PKD1L1: variants seen among roughly 807,000 people sequenced by gnomAD.
PKD1L1 encodes polycystin-1-like protein 1.
PKD1L1 carries 236 observed loss-of-function variants against 323.4 expected under a neutral mutation model. The ratio of observed to expected loss-of-function variants is 0.73; its 90% CI spans 0.66 to 0.81. The LOEUF (loss-of-function observed/expected upper bound fraction) is 0.81. Ranked by LOEUF, PKD1L1 falls within the 40% of genes least tolerant of loss-of-function variation. The probability of loss-of-function intolerance (pLI) is 0.00; values close to 1 mark genes in which losing one functional copy is unlikely to be tolerated. For synonymous variants in PKD1L1, 1,344 were observed against 1,335.0 expected (o/e 1.01, Z -0.15); for missense variants, 3,320 against 3,508.0 (o/e 0.95, Z 1.35).
chr7:47,954,059 A>C, the PKD1L1 span, among the ~76,000 whole-genome samples: 1 of 152,166 alleles, frequency 6.6e-6, no homozygotes, highest in Non-Finnish European at 1.5e-5. Context: ...GCCTCCTTTA[A>C]ATTTTTAAAT....
chr7:47,956,333 A>G, the PKD1L1 span, among the ~76,000 whole-genome samples: 2 of 152,200 alleles, frequency 1.3e-5, no homozygotes, highest in Non-Finnish European at 2.9e-5. Flanking sequence ...ACAGGGGCAC[A>G]CTATGGTCCT....
chr7:47,948,914 A>G (rs185968772), upstream of PKD1L1, among the ~76,000 whole-genome samples: 492 of 152,024 alleles, frequency 3.2e-3, 2 homozygotes, highest in African/African-American at 0.011. Context: ...ACGAGATTGC[A>G]CCACTGTGCA....
At chr7:47,919,376 G>A (rs942534646) in intron 7 of PKD1L1, among the ~76,000 whole-genome samples, 38 of 152,030 alleles carry the variant, frequency 2.5e-4, no homozygotes, top group Non-Finnish European at 4.9e-4. Context: ...AGATTGAAAT[G>A]TTAATTTAAA....
chr7:47,860,980 G>A (rs563620234), intron 26 of PKD1L1, among the ~76,000 whole-genome samples: 4 of 152,138 alleles, frequency 2.6e-5, no homozygotes, highest in Admixed American at 6.5e-5. Context: ...CACCTGCAGC[G>A]CCACATGACC....
At chr7:47,857,172 A>G (rs1283213669) in intron 28 of PKD1L1, among the ~76,000 whole-genome samples, 2 of 152,190 alleles carry the variant, frequency 1.3e-5, no homozygotes, top group African/African-American at 4.8e-5. Context: ...AAGCACTGCC[A>G]TGTCCTCAGC....
the PKD1L1 span, among the ~76,000 whole-genome samples, chr7:47,957,860 A>ATATATATATATATATCTAG: frequency 8.1e-6 from 1 of 124,134 alleles, no homozygotes; most frequent in Admixed American, 8.5e-5. Flanking sequence ...CAATTAAAAA[A>ATATATATATATATATCTAG]AAATATATAT....
chr7:47,861,597 T>C (rs975742116), intron 26 of PKD1L1, among the ~76,000 whole-genome samples: 18 of 152,000 alleles, frequency 1.2e-4, no homozygotes, highest in Non-Finnish European at 2.2e-4. Context: ...CAAAGAACAA[T>C]TGGGACTGGG....
chr7:47,788,441 C>T (rs1302173535), intron 56 of PKD1L1, among the ~76,000 whole-genome samples: 3 of 150,298 alleles, frequency 2.0e-5, no homozygotes, highest in Non-Finnish European at 4.4e-5. Flanking sequence ...CAGGTGTGCA[C>T]CATGCCGGGT....
At chr7:47,951,583 T>C (rs1376039528), upstream of PKD1L1, among the ~76,000 whole-genome samples, 1 of 152,196 alleles carries the variant, frequency 6.6e-6, no homozygotes, top group Non-Finnish European at 1.5e-5. Flanking sequence ...CACAGGTGTT[T>C]ACACAGTTCA....
At position 47,788,577 on chromosome 7, in the gene PKD1L1, ATTT is replaced by A. The variant is rs34984408; in HGVS notation, c.8526+4047_8526+4049del. Among the ~76,000 whole-genome samples, 244 of 138,056 alleles carry A rather than the reference ATTT, an allele frequency of 1.8e-3. 1 individual carries two copies. The highest frequency in any genetic ancestry group is 7.7e-3 in the Middle Eastern group (2 of 260). The allele number at this position is 138,056 out of a possible 152,430, so 90.6% of individuals were successfully genotyped here. ...CCAGCCCAGTTATATATATATATAT[ATTT>A]TTTTTTTTTAATTTTAATTTTAATT... On this transcript the variant is annotated intron_variant, in intron 56 of 56. Transcript: ENST00000289672.
the PKD1L1 span, chr7:47,956,960 T>C: frequency 0.12 from 18,579 of 153,106 alleles, 1,252 homozygotes; most frequent in East Asian, 0.22. Flanking sequence ...TTTGTCCAGA[T>C]ACATATAAAG....
intron 19 of PKD1L1, among the ~76,000 whole-genome samples, chr7:47,882,846 G>A (rs1042814040): frequency 1.3e-5 from 2 of 152,138 alleles, no homozygotes; most frequent in Admixed American, 6.5e-5. Context: ...TTGTGGTGAA[G>A]AGTCCTCTGC....
At chr7:47,896,933 C>T (rs746311692) in intron 14 of PKD1L1, among the ~76,000 whole-genome samples, 5 of 152,316 alleles carry the variant, frequency 3.3e-5, no homozygotes, top group Admixed American at 6.5e-5. Flanking sequence ...GTTTCCTACT[C>T]GTTCCCAATC....
At chr7:47,879,955 A>T (rs1583642714) in intron 21 of PKD1L1, among the ~76,000 whole-genome samples, 4 of 126,366 alleles carry the variant, frequency 3.2e-5, no homozygotes, top group South Asian at 4.9e-4. Context: ...AAATAAAAAA[A>T]AAAATTAAGC....
rs1272400077 is a variant in PKD1L1, at chr7:47,946,353, CACAA to C, written c.44+2040_44+2043del. 6.6e-6 allele frequency among the ~76,000 whole-genome samples: 1 copy of C among 151,754 alleles called. No individual in the cohort carries two copies. Among genetic ancestry groups the C allele is most frequent in the African/African-American group, 2.4e-5 (1 of 41,236 alleles). On this transcript the variant is annotated intron_variant, in intron 1 of 56. Coordinates refer to ENST00000289672, the MANE Select transcript of PKD1L1 (RefSeq NM_138295.5). This position sits in a 1 kb window ranked among gnomAD's most constrained non-coding sequence, Gnocchi z 4.1. ...AGAGCATTAGGACAAATACCTACCA[CACAA>C]ACACACACCACACACTCACACCACA...
Position 47,890,745 on chromosome 7 carries a change from G to C in PKD1L1, c.2472C>G (p.Ala824=). 6.8e-6 allele frequency: 11 copies of C among 1,612,568 alleles called. No individual in the cohort carries two copies. The highest frequency in any genetic ancestry group is 9.3e-6 in the Non-Finnish European group (11 of 1,180,014). Residue 824 remains alanine, a synonymous_variant, in exon 16 of 57, where the codon GCC becomes GCG. Transcript: ENST00000289672. ...AGGGATGTGCTGGGGAGCCAGCGGT[G>C]GCGCATTCCCAGTGATACCTGTTGG... ...GATLRYHWEC[A]TAGSPAHPCF...
chr7:47,880,743 G>A lies in PKD1L1; in HGVS notation c.3505C>T (p.Leu1169=), dbSNP rs1409678536. Residue 1169 remains leucine, a synonymous_variant, in exon 21 of 57, where the codon CTG becomes TTG. Coordinates refer to ENST00000289672, the MANE Select transcript of PKD1L1 (RefSeq NM_138295.5). ...YSLSSGETYV[L]QVSVASKHGL... ...TGTAACATACCCACAGACACTTGCAGGACGTACGTCTCTCCACTGCTCAGA... is the reference window on the plus strand; with the variant it reads ...TGTAACATACCCACAGACACTTGCAAGACGTACGTCTCTCCACTGCTCAGA... The A allele has an allele frequency of 6.2e-7, 1 of 1,606,812 alleles. No individual in the cohort carries two copies. Among genetic ancestry groups the A allele is most frequent in the Non-Finnish European group, 8.5e-7 (1 of 1,175,520 alleles).
chr7:47,909,092 T>C (rs1787266227), intron 8 of PKD1L1, among the ~76,000 whole-genome samples: 1 of 152,222 alleles, frequency 6.6e-6, no homozygotes, highest in Non-Finnish European at 1.5e-5. Context: ...TTTAAGGCAC[T>C]AAGTTTAGGG....
rs752639552 is a variant in PKD1L1, at chr7:47,929,542, A to T, written c.738-16T>A. On this transcript the variant is annotated splice_polypyrimidine_tract_variant and intron_variant, in intron 6 of 56. Coordinates refer to ENST00000289672, the MANE Select transcript of PKD1L1 (RefSeq NM_138295.5). ...GCCGTGGGAGCTGTGGGAGAGAGGGAGAGGCTTCAGATTTCATGACAGTGG... is the reference window on the plus strand; with the variant it reads ...GCCGTGGGAGCTGTGGGAGAGAGGGTGAGGCTTCAGATTTCATGACAGTGG... 9 of 1,596,526 alleles carry T rather than the reference A, an allele frequency of 5.6e-6. No homozygotes were observed. In the East Asian group the frequency reaches 1.8e-4, roughly 32 times the overall value.
Sources: allele counts gnomAD v4.1 joint callset (sites outside exome capture counted in the v4.1 genomes callset), GRCh38; gene constraint gnomAD v4.1.1; non-coding constraint Gnocchi (gnomAD v3.1); transcripts MANE v1.5; gene names NCBI Gene and HGNC (gene_info 2026-07-23, HGNC 2026-07-21).